Variants in TAGLN observed in about 807,000 individuals in gnomAD.
The protein encoded by TAGLN is 22 kDa actin-binding protein.
Under a neutral mutation model 21.9 loss-of-function variants are expected in TAGLN, and 16 were observed. That is an observed-to-expected ratio of 0.73 (90% CI 0.49 to 1.11). The LOEUF is 1.11. Among genes scored for constraint, TAGLN ranks in the 50% least tolerant of loss-of-function variants. The pLI, the probability that TAGLN is intolerant of heterozygous loss-of-function variation, is 0.00. For synonymous variants in TAGLN, 96 were observed against 94.9 expected (o/e 1.01, Z -0.06); for missense variants, 248 against 263.2 (o/e 0.94, Z 0.40).
Position 117,205,864 on chromosome 11 carries a change from G to A in TAGLN, c.*1505G>A. ...CAATCCTCCACCATTTGTATCTTAA[G>A]AAGGCCCTCACCCTCTTTGAGTGGA... is the stretch of plus-strand genomic sequence containing the variant. On this transcript the variant is annotated 3_prime_UTR_variant, in exon 5 of 5. Transcript: ENST00000392951. The A allele has an allele frequency of 3.2e-6, 2 of 631,262 alleles. No homozygotes were observed. 39.1% of individuals were successfully genotyped at this position (631,262 alleles called of 1,614,324 possible).
At chr11:117,204,169 AAC>A (rs760219031) in intron 4 of TAGLN, 44 bp from the exon 5 acceptor site, 64 of 1,610,688 alleles carry the variant, frequency 4.0e-5, no homozygotes, top group Middle Eastern at 1.6e-4. Flanking sequence ...ACGGGTGGAA[AAC>A]ACACAGTTCT....
rs2031201610 is a variant in TAGLN, at chr11:117,203,656, C to G, written c.359-126C>G. ...TCACAGGGCCCACTGAGAGGCCTCC[C>G]TTGAATTGGGGACAACTCTTGGCCC... On this transcript the variant is annotated intron_variant, in intron 3 of 4. Coordinates refer to ENST00000392951, the MANE Select transcript of TAGLN (RefSeq NM_003186.5). The surrounding 1 kb of genome is among the most constrained non-coding windows in gnomAD (Gnocchi z 4.4). 1.6e-6 allele frequency: 2 copies of G among 1,267,212 alleles called. No individual in the cohort carries two copies. Among genetic ancestry groups the G allele is most frequent in the Non-Finnish European group, 1.1e-6 (1 of 904,358 alleles). The allele number at this position is 1,267,212 out of a possible 1,614,324, so 78.5% of individuals were successfully genotyped here.
Position 117,205,661 on chromosome 11 carries a change from A to G in TAGLN, c.*1302A>G, listed in dbSNP as rs914135875. ...GCTATGGCAGGCACCTTCTCAACTT[A>G]TATGTGGGAAGGGGTCCCCCATGCT... On this transcript the variant is annotated 3_prime_UTR_variant, in exon 5 of 5. Coordinates refer to ENST00000392951, the MANE Select transcript of TAGLN (RefSeq NM_003186.5). 1 of 271,868 alleles carries G rather than the reference A, an allele frequency of 3.7e-6. No homozygotes were observed. The highest frequency in any genetic ancestry group is 6.9e-6 in the Non-Finnish European group (1 of 144,956). 16.8% of individuals were successfully genotyped at this position (271,868 alleles called of 1,614,324 possible).
rs1208184526 is a variant in TAGLN, at chr11:117,204,533, C to T, written c.*174C>T. The T allele has an allele frequency of 2.1e-6, 2 of 965,950 alleles. No homozygotes were observed. The highest frequency in any genetic ancestry group is 2.6e-5 in the East Asian group (1 of 38,090). The allele number at this position is 965,950 out of a possible 1,614,324, so 59.8% of individuals were successfully genotyped here. ...GGCAGCTCCTCCCTGTGCCCCCAGC[C>T]TCAGCCCAACTTCTTACCCGAAAGC... On this transcript the variant is annotated 3_prime_UTR_variant, in exon 5 of 5. Coordinates refer to ENST00000392951, the MANE Select transcript of TAGLN (RefSeq NM_003186.5).
rs1474089605 is a variant in TAGLN, at chr11:117,204,320, C to T, written c.567C>T (p.Gly189=). The change falls in exon 5 of 5, where the codon GGC becomes GGT. Residue 189 remains glycine, a synonymous_variant. Coordinates refer to ENST00000392951, the MANE Select transcript of TAGLN (RefSeq NM_003186.5). The part of the protein sequence containing the change: ...MGSNRGASQA[G]MTGYGRPRQI... Reference sequence around the variant, plus strand: ...GCAACAGAGGGGCCTCCCAGGCCGGCATGACAGGCTACGGACGACCTCGGC... The same window carrying T: ...GCAACAGAGGGGCCTCCCAGGCCGGTATGACAGGCTACGGACGACCTCGGC... The T allele has an allele frequency of 1.9e-6, 3 of 1,614,136 alleles. No homozygotes were observed. Among genetic ancestry groups the T allele is most frequent in the Non-Finnish European group, 1.7e-6 (2 of 1,180,052 alleles).
Position 117,203,082 on chromosome 11 carries a change from CGAG to C in TAGLN, c.73_75del (p.Glu25del), listed in dbSNP as rs778782959. Reference sequence around the variant, plus strand: ...AGTCCAAAATCGAGAAGAAGTATGACGAGGAGCTGGAGGAGCGGCTGGTGGAGT... The same window carrying C: ...AGTCCAAAATCGAGAAGAAGTATGACGAGCTGGAGGAGCGGCTGGTGGAGT... On this transcript the variant is annotated inframe_deletion, in exon 2 of 5. Coordinates refer to ENST00000392951, the MANE Select transcript of TAGLN (RefSeq NM_003186.5). This position sits in a 1 kb window ranked among gnomAD's most constrained non-coding sequence, Gnocchi z 4.4. 1.2e-6 allele frequency: 2 copies of C among 1,612,106 alleles called. No individual in the cohort carries two copies. The highest frequency in any genetic ancestry group is 1.1e-5 in the South Asian group (1 of 90,722).
Position 117,204,708 on chromosome 11 carries a change from C to A in TAGLN, c.*349C>A, listed in dbSNP as rs558137679. 2.8e-4 allele frequency: 107 copies of A among 383,346 alleles called. No homozygotes were observed. Among genetic ancestry groups the A allele is most frequent in the Non-Finnish European group, 4.9e-4 (99 of 201,598 alleles). 23.7% of individuals were successfully genotyped at this position (383,346 alleles called of 1,614,324 possible). A position where few individuals can be genotyped will look rare whatever the true frequency, so the allele number is the denominator to read the frequency against. On this transcript the variant is annotated 3_prime_UTR_variant, in exon 5 of 5. Coordinates refer to ENST00000392951, the MANE Select transcript of TAGLN (RefSeq NM_003186.5). ...GCGGCAAAAGCCCATTGAAGAAGAA[C>A]CAGCCCAGCCTGCCCCCTATCTTGT...
chr11:117,203,488 G>C lies in TAGLN; in HGVS notation c.358+4G>C, dbSNP rs527772623. 6.5e-5 allele frequency: 105 copies of C among 1,612,748 alleles called. 2 individuals carry two copies. The South Asian group carries it at 1.1e-3, about 17-fold the overall frequency. On this transcript the variant is annotated splice_donor_region_variant and intron_variant, in intron 3 of 4. Coordinates refer to ENST00000392951, the MANE Select transcript of TAGLN (RefSeq NM_003186.5). The surrounding 1 kb of genome is among the most constrained non-coding windows in gnomAD (Gnocchi z 4.4). ...CAGACTGTTGACCTCTTTGAAGGTA[G>C]AGAGGAAGAGGCTGGGGGAGGAGGT...
At chr11:117,204,018 G>A (rs1457693125) in intron 4 of TAGLN, 134 bp downstream of exon 4, 2 of 1,036,050 alleles carry the variant, frequency 1.9e-6, no homozygotes, top group East Asian at 2.6e-5. Flanking sequence ...GGGAATAATG[G>A]GTCCTTAATA....
At position 117,203,470 on chromosome 11, in the gene TAGLN, T is replaced by C. The variant is rs763700396; in HGVS notation, c.344T>C (p.Val115Ala). The C allele has an allele frequency of 2.5e-6, 4 of 1,613,984 alleles. No homozygotes were observed. The highest frequency in any genetic ancestry group is 2.2e-5 in the East Asian group (1 of 44,866). ...ATCAAGACTGACATGTTCCAGACTG[T>C]TGACCTCTTTGAAGGTAGAGAGGAA... ...GVIKTDMFQT[V>A]DLFEGKDMAA... Residue 115 changes from valine (V) to alanine (A), a missense_variant, in exon 3 of 5, where the codon GTT (valine) becomes GCT (alanine). Coordinates refer to ENST00000392951, the MANE Select transcript of TAGLN (RefSeq NM_003186.5). The surrounding 1 kb of genome is among the most constrained non-coding windows in gnomAD (Gnocchi z 4.4).
rs1433570740 is a variant in TAGLN at position 117,204,846 on chromosome 11, T to C, written c.*487T>C. On this transcript the variant is annotated 3_prime_UTR_variant, in exon 5 of 5. Coordinates refer to ENST00000392951, the MANE Select transcript of TAGLN (RefSeq NM_003186.5). ...TGGTCACTTTTGTTATGGTTTCAGA[T>C]CTGCGCAGGGGACAGGCAGGCATCT... 1 of 295,776 alleles carries C rather than the reference T, an allele frequency of 3.4e-6. No individual in the cohort carries two copies. Among genetic ancestry groups the C allele is most frequent in the Non-Finnish European group, 6.6e-6 (1 of 150,408 alleles). The allele number at this position is 295,776 out of a possible 1,614,324, so 18.3% of individuals were successfully genotyped here.
chr11:117,203,337 C>A lies in TAGLN; in HGVS notation c.211C>A (p.Pro71Thr), dbSNP rs2031180196. 6.2e-7 allele frequency: 1 copy of A among 1,614,076 alleles called. No individual in the cohort carries two copies. Among genetic ancestry groups the A allele is most frequent in the African/African-American group, 1.3e-5 (1 of 74,922 alleles). ...GAGCAAGCTGGTGAACAGCCTGTAC[C>A]CTGATGGCTCCAAGCCGGTGAAGGT... ...ILSKLVNSLY[P>T]DGSKPVKVPE... Residue 71 changes from proline (P) to threonine (T), a missense_variant, in exon 3 of 5, where the codon CCT (proline) becomes ACT (threonine). Coordinates refer to ENST00000392951, the MANE Select transcript of TAGLN (RefSeq NM_003186.5). This position sits in a 1 kb window ranked among gnomAD's most constrained non-coding sequence, Gnocchi z 4.4.
In TAGLN at chr11:117,204,656, T is replaced by C. The variant is rs1227202880; in HGVS notation, c.*297T>C. 1 of 491,388 alleles carries C rather than the reference T, an allele frequency of 2.0e-6. No homozygotes were observed. The highest frequency in any genetic ancestry group is 3.1e-5 in the Admixed American group (1 of 32,274). 30.4% of individuals were successfully genotyped at this position (491,388 alleles called of 1,614,324 possible). A position where few individuals can be genotyped will look rare whatever the true frequency, so the allele number is the denominator to read the frequency against. On this transcript the variant is annotated 3_prime_UTR_variant, in exon 5 of 5. Transcript: ENST00000392951. ...AGAAGCGGGCTGGGGGTAGCCTGGATGTGGGCCAAGTCCACTGTCCTCCTT... is the reference window on the plus strand; with the variant it reads ...AGAAGCGGGCTGGGGGTAGCCTGGACGTGGGCCAAGTCCACTGTCCTCCTT...
At chr11:117,202,215 G>A (rs985505304) in intron 1 of TAGLN, 1 of 152,262 alleles carries the variant, frequency 6.6e-6, no homozygotes, top group Non-Finnish European at 1.5e-5. Context: ...GGCATGAGGG[G>A]AAGTCGATGG....
chr11:117,200,725 G>A (rs895213272), intron 1 of TAGLN, among the ~76,000 whole-genome samples: 2 of 152,118 alleles, frequency 1.3e-5, no homozygotes, highest in Non-Finnish European at 2.9e-5. Context: ...TAGATCTGGG[G>A]GCTGCAGCGT....
rs1304935589 is a variant in TAGLN, at chr11:117,203,205, C to T, written c.180+12C>T. On this transcript the variant is annotated intron_variant, in intron 2 of 4. Transcript: ENST00000392951. The surrounding 1 kb of genome is among the most constrained non-coding windows in gnomAD (Gnocchi z 4.4). ...TGAAGAATGGCGTGGTGAGTGGCAC[C>T]CTGGGCTAGGGCGCTGGGGGGCTGG... 17 of 1,590,562 alleles carry T rather than the reference C, an allele frequency of 1.1e-5. 1 individual carries two copies. Among genetic ancestry groups the T allele is most frequent in the Middle Eastern group, 1.7e-4 (1 of 5,942 alleles).
At position 117,206,986 on chromosome 11, in the gene TAGLN, G is replaced by A. The variant is rs2031450406; in HGVS notation, c.*2627G>A. 6.8e-7 allele frequency: 1 copy of A among 1,477,252 alleles called. No individual in the cohort carries two copies. Among genetic ancestry groups the A allele is most frequent in the Non-Finnish European group, 9.4e-7 (1 of 1,060,740 alleles). 91.5% of individuals were successfully genotyped at this position (1,477,252 alleles called of 1,614,324 possible). On this transcript the variant is annotated 3_prime_UTR_variant, in exon 5 of 5. Coordinates refer to ENST00000392951, the MANE Select transcript of TAGLN (RefSeq NM_003186.5). ...GACGCTGGAACTGGGAAGCACAGCT[G>A]GGGTTCAGAGGGCGATGGGCTCCCT...
At position 117,203,743 on chromosome 11, in the gene TAGLN, G is replaced by A. The variant is rs138833123; in HGVS notation, c.359-39G>A. The A allele has an allele frequency of 2.1e-5, 34 of 1,589,856 alleles. 1 individual carries two copies. Among genetic ancestry groups the A allele is most frequent in the Middle Eastern group, 1.7e-4 (1 of 5,762 alleles). On this transcript the variant is annotated intron_variant, in intron 3 of 4. Transcript: ENST00000392951. This position sits in a 1 kb window ranked among gnomAD's most constrained non-coding sequence, Gnocchi z 4.4. ...CCCTGGCTTGGAGTCTTGTTTATACGTTCTTGATGTTCATCTCCTCTCTCC... is the reference window on the plus strand; with the variant it reads ...CCCTGGCTTGGAGTCTTGTTTATACATTCTTGATGTTCATCTCCTCTCTCC...
At position 117,204,409 on chromosome 11, in the gene TAGLN, C is replaced by A. The variant is rs367851843; in HGVS notation, c.*50C>A. On this transcript the variant is annotated 3_prime_UTR_variant, in exon 5 of 5. Transcript: ENST00000392951. ...CGGCCCTCCCCCAGCTCCTTGGCTG[C>A]AGCCATCCCGCTTAGCCTGCCTCAC... 6 of 1,612,876 alleles carry A rather than the reference C, an allele frequency of 3.7e-6. No homozygotes were observed. The highest frequency in any genetic ancestry group is 5.1e-6 in the Non-Finnish European group (6 of 1,179,334).
Sources: allele counts gnomAD v4.1 joint callset (sites outside exome capture counted in the v4.1 genomes callset), GRCh38; gene constraint gnomAD v4.1.1; non-coding constraint Gnocchi (gnomAD v3.1); transcripts MANE v1.5; gene names NCBI Gene and HGNC (gene_info 2026-07-23, HGNC 2026-07-21).